TG: variants seen among roughly 807,000 people sequenced by gnomAD.
TG encodes the protein thyroglobulin, also known as thyroid hormones.
Under a neutral mutation model 324.7 loss-of-function variants are expected in TG, and 270 were observed. That is an observed-to-expected ratio of 0.83 (90% CI 0.75 to 0.92). TG has a LOEUF of 0.92. TG is among the 40% of genes least tolerant of loss of function. The pLI is 0.00. For missense variants in TG, 3,591 were observed against 3,456.4 expected, an observed-to-expected ratio of 1.04 and a Z score of -0.98; for synonymous variants, 1,401 against 1,327.0, an observed-to-expected ratio of 1.06 and a Z score of -1.21.
At chr8:132,969,664 G>T in intron 32 of TG, 95 bp downstream of exon 32, 2 of 1,000,296 alleles carry the variant, frequency 2.0e-6, no homozygotes, top group Admixed American at 3.6e-5. Context: ...AGCATACCCA[G>T]CACTTTGGGA....
chr8:133,075,119 T>C, intron 41 of TG: 1 of 985,480 alleles, frequency 1.0e-6, no homozygotes, highest in Non-Finnish European at 1.2e-6. Context: ...AGCAAGCTTC[T>C]CTCTGCAAGG....
chr8:132,984,384 A>G (rs1230811362), intron 35 of TG, among the ~76,000 whole-genome samples: 1 of 152,230 alleles, frequency 6.6e-6, no homozygotes. Context: ...CATTATATAT[A>G]AAGTTGTTGA....
chr8:132,976,770 G>A (rs1015084346), intron 34 of TG, among the ~76,000 whole-genome samples: 1 of 152,194 alleles, frequency 6.6e-6, no homozygotes, highest in Non-Finnish European at 1.5e-5. Flanking sequence ...GAAGGAGGAG[G>A]ACTGGCTGTC....
chr8:132,986,444 A>G (rs948246373), intron 35 of TG, among the ~76,000 whole-genome samples: 2 of 151,638 alleles, frequency 1.3e-5, no homozygotes, highest in African/African-American at 2.4e-5. Flanking sequence ...AAATTGTTAC[A>G]TATCTGTCTA....
chr8:133,057,295 G>A (rs1841619364), intron 41 of TG, among the ~76,000 whole-genome samples: 1 of 152,112 alleles, frequency 6.6e-6, no homozygotes, highest in African/African-American at 2.4e-5. Flanking sequence ...TGACCACAGC[G>A]GGACTTCCCT....
chr8:133,001,631 A>T, intron 35 of TG: 1 of 473,422 alleles, frequency 2.1e-6, no homozygotes, highest in Non-Finnish European at 2.8e-6. Context: ...CTCTGGTGAG[A>T]AAGCAGGATG....
At chr8:132,892,732 T>G (rs1422825226) in intron 10 of TG, among the ~76,000 whole-genome samples, 1 of 151,232 alleles carries the variant, frequency 6.6e-6, no homozygotes, top group African/African-American at 2.4e-5. Flanking sequence ...TGTATTTCTA[T>G]ATGGGTGTAT....
chr8:132,911,572 A>G, intron 19 of TG, 39 bp downstream of exon 19: 1 of 1,553,110 alleles, frequency 6.4e-7, no homozygotes, highest in East Asian at 2.2e-5. Context: ...TAAGCTATGC[A>G]GCCTCTCTGA....
At chr8:133,016,284 T>A (rs561895054) in intron 37 of TG, among the ~76,000 whole-genome samples, 1 of 152,238 alleles carries the variant, frequency 6.6e-6, no homozygotes, top group Admixed American at 6.5e-5. Context: ...GGGGCTGGAG[T>A]ATTCTTTGTT....
intron 33 of TG, 25 bp from the exon 34 acceptor site, chr8:132,972,573 T>TG (rs775071750): frequency 1.9e-6 from 3 of 1,545,484 alleles, no homozygotes; most frequent in Middle Eastern, 1.8e-4. Context: ...ATTGTGGTTT[T>TG]TTGTTTTTTT....
chr8:132,898,306 T>G, intron 13 of TG, 60 bp downstream of exon 13: 1 of 1,500,492 alleles, frequency 6.7e-7, no homozygotes, highest in Middle Eastern at 2.3e-4. Flanking sequence ...ACTGGTCTAG[T>G]CAGCTGTGGT....
intron 41 of TG, chr8:133,089,945 C>T (rs1272411626): frequency 6.6e-6 from 1 of 152,164 alleles, no homozygotes; most frequent in African/African-American, 2.4e-5. Context: ...AAATCCCTCC[C>T]TCCCCTGAAT....
intron 11 of TG, 125 bp from the exon 12 acceptor site, chr8:132,897,524 T>C: frequency 7.4e-7 from 1 of 1,350,674 alleles, no homozygotes; most frequent in Non-Finnish European, 1.1e-6. Context: ...GGTTGAAATG[T>C]TTGTCAAATA....
At chr8:133,070,014 AAAAAAAAAAAAAG>A (rs1238171024) in intron 41 of TG, among the ~76,000 whole-genome samples, 25,649 of 140,006 alleles carry the variant, frequency 0.18, 3,564 homozygotes, top group Non-Finnish European at 0.24. Flanking sequence ...AAAAAAAAAA[AAAAAAAAAAAAAG>A]AAAGAAAGAA....
intron 41 of TG, among the ~76,000 whole-genome samples, chr8:133,067,368 G>A (rs377451376): frequency 6.6e-5 from 10 of 152,162 alleles, no homozygotes; most frequent in African/African-American, 2.2e-4. Flanking sequence ...GGCTCTAGGG[G>A]CACTGGCAAG....
intron 41 of TG, among the ~76,000 whole-genome samples, chr8:133,077,255 C>T (rs142673892): frequency 7.9e-5 from 12 of 152,284 alleles, no homozygotes; most frequent in African/African-American, 2.9e-4. Context: ...GAGGCAGAGG[C>T]AGACAAGAGA....
At chr8:132,935,732 A>G (rs751278700) in intron 24 of TG, 24 bp from the exon 25 acceptor site, 6 of 1,579,024 alleles carry the variant, frequency 3.8e-6, no homozygotes, top group African/African-American at 1.3e-5. Flanking sequence ...GCAGGATAAT[A>G]ATGCAGCATC....
intron 41 of TG, chr8:133,047,996 T>A: frequency 1.0e-6 from 1 of 962,384 alleles, no homozygotes; most frequent in South Asian, 1.4e-5. Flanking sequence ...AAGGCAGGAA[T>A]GCGCCACCCA....
chr8:132,933,849 G>A (rs1823159431), intron 24 of TG, among the ~76,000 whole-genome samples, 173 bp downstream of exon 24: 1 of 152,112 alleles, frequency 6.6e-6, no homozygotes. Flanking sequence ...AGCTGTGATA[G>A]TCCAGAGACA....
Sources: allele counts gnomAD v4.1 joint callset (sites outside exome capture counted in the v4.1 genomes callset), GRCh38; gene constraint gnomAD v4.1.1; transcripts MANE v1.5; gene names NCBI Gene and HGNC (gene_info 2026-07-23, HGNC 2026-07-21).